ITGAE: variants seen among roughly 807,000 people sequenced by gnomAD.
ITGAE encodes integrin alpha-E.
Under a neutral mutation model 136.5 loss-of-function variants are expected in ITGAE, and 99 were observed. That is an observed-to-expected ratio of 0.73 (90% confidence interval 0.62 to 0.86). The LOEUF is 0.86. Among genes scored for constraint, ITGAE ranks in the 40% least tolerant of loss-of-function variants. The pLI is 0.00. For missense variants in ITGAE, 1,447 were observed against 1,515.3 expected (o/e 0.95, Z 0.75); for synonymous variants, 613 against 591.8 (o/e 1.04, Z -0.52).
At chr17:3,730,097 G>A (rs2051306189) in intron 23 of ITGAE, among the ~76,000 whole-genome samples, 1 of 152,082 alleles carries the variant, frequency 6.6e-6, no homozygotes, top group East Asian at 1.9e-4. Flanking sequence ...GTGTCCATGT[G>A]CTCTCACTGC....
chr17:3,725,886 C>G (rs138356998), intron 26 of ITGAE: 3 of 1,612,420 alleles, frequency 1.9e-6, no homozygotes, highest in African/African-American at 1.3e-5. Flanking sequence ...CCGAGACTTA[C>G]ACTGGGGGAA....
rs1267420488 is a variant in ITGAE at position 3,757,804 on chromosome 17, C to G, written c.922G>C (p.Val308Leu). ...AATATGCCACCATCGGTGAGCACCA[C>G]CATGACCTTGGATGCCTTTCTCCTG... ...GSRRKASKVM[V>L]VLTDGGIFED... The change falls in exon 9 of 31, where the codon GTG (valine) becomes CTG (leucine). Residue 308 changes from valine (V) to leucine (L), a missense_variant. Around this residue, in one of 3 missense-constraint regions of ITGAE, gnomAD observed 310 missense variants for 416.1 expected, o/e 0.74. Transcript: ENST00000263087. The G allele has an allele frequency of 6.2e-7, 1 of 1,614,130 alleles. No homozygotes were observed. Among genetic ancestry groups the G allele is most frequent in the Non-Finnish European group, 8.5e-7 (1 of 1,180,030 alleles).
intron 1 of ITGAE, among the ~76,000 whole-genome samples, chr17:3,796,863 A>C (rs8069664): frequency 0.043 from 6,612 of 152,240 alleles, 192 homozygotes; most frequent in Middle Eastern, 0.048. Flanking sequence ...ATGGGGCATG[A>C]TTTGCCCACA....
chr17:3,799,893 G>C lies in ITGAE; in HGVS notation c.34+1218C>G, dbSNP rs1464461395. 6.6e-6 allele frequency among the ~76,000 whole-genome samples: 1 copy of C among 152,212 alleles called. No individual in the cohort carries two copies. The highest frequency in any genetic ancestry group is 1.5e-5 in the Non-Finnish European group (1 of 68,046). ...TAGTCCCAACACTTTGGGAGGCCGAGGCAGGTCGATCACCTGAGGGCAGGA... is the reference window on the plus strand; with the variant it reads ...TAGTCCCAACACTTTGGGAGGCCGACGCAGGTCGATCACCTGAGGGCAGGA... On this transcript the variant is annotated intron_variant, in intron 1 of 30. Coordinates refer to ENST00000263087, the MANE Select transcript of ITGAE (RefSeq NM_002208.5). This position sits in a 1 kb window ranked among gnomAD's most constrained non-coding sequence, Gnocchi z 4.1.
At chr17:3,780,316 G>A (rs543794942) in intron 1 of ITGAE, among the ~76,000 whole-genome samples, 2 of 152,008 alleles carry the variant, frequency 1.3e-5, no homozygotes, top group African/African-American at 4.8e-5. Context: ...GACTACAGGC[G>A]CCTGCCCGGC....
At chr17:3,795,911 G>A (rs1035324217) in intron 1 of ITGAE, among the ~76,000 whole-genome samples, 8 of 146,742 alleles carry the variant, frequency 5.5e-5, no homozygotes, top group African/African-American at 1.6e-4. Context: ...CTGTGTATGC[G>A]CATCCGTGTG....
intron 20 of ITGAE, among the ~76,000 whole-genome samples, chr17:3,737,143 A>C (rs919773122): frequency 1.3e-5 from 2 of 152,090 alleles, no homozygotes; most frequent in Admixed American, 1.3e-4. Flanking sequence ...AAATACAAAA[A>C]TTAGCTGAGT....
rs1367683047 is a variant in ITGAE, at chr17:3,765,303, C to T, written c.156-1343G>A. On this transcript the variant is annotated intron_variant, in intron 2 of 30. Coordinates refer to ENST00000263087, the MANE Select transcript of ITGAE (RefSeq NM_002208.5). Reference sequence around the variant, plus strand: ...GGCAGAGGTTGCAGTGAGCCGAGATCACGCCACTGAACTCCAGCCTGGGTG... The same window carrying T: ...GGCAGAGGTTGCAGTGAGCCGAGATTACGCCACTGAACTCCAGCCTGGGTG... 2.3e-5 allele frequency among the ~76,000 whole-genome samples: 3 copies of T among 133,138 alleles called. No homozygotes were observed. In the East Asian group the frequency reaches 6.9e-4, roughly 31 times the overall value. 87.3% of individuals were successfully genotyped at this position (133,138 alleles called of 152,430 possible). A position where few individuals can be genotyped will look rare whatever the true frequency, so the allele number is the denominator to read the frequency against.
At chr17:3,790,544 G>A (rs112019427) in intron 1 of ITGAE, among the ~76,000 whole-genome samples, 4 of 151,864 alleles carry the variant, frequency 2.6e-5, no homozygotes, top group South Asian at 2.1e-4. Flanking sequence ...AAGAAAAAGA[G>A]GTGAAATAAC....
chr17:3,730,416 C>T (rs1035450360), intron 23 of ITGAE: 1 of 128,856 alleles, frequency 7.8e-6, no homozygotes. Context: ...CACGCCACAG[C>T]ACTCCAGCCT....
Position 3,753,937 on chromosome 17 carries a change from G to T in ITGAE, c.1385-12C>A, listed in dbSNP as rs769347476. 2.5e-6 allele frequency: 4 copies of T among 1,613,142 alleles called. No individual in the cohort carries two copies. Among genetic ancestry groups the T allele is most frequent in the Non-Finnish European group, 3.4e-6 (4 of 1,179,624 alleles). On this transcript the variant is annotated splice_polypyrimidine_tract_variant and intron_variant, in intron 12 of 30. Coordinates refer to ENST00000263087, the MANE Select transcript of ITGAE (RefSeq NM_002208.5). ...GGCCACAGCGTAACCTGGGGCAAGG[G>T]TGGTGTGGCTGTGAACACACCGTGT...
In ITGAE at chr17:3,719,003, G is replaced by A. The variant is rs957774852; in HGVS notation, c.3333+1304C>T. ...TCCCAGCACTTTGGGAGGTCAAGGC[G>A]GGCAGATCACCTGAGGTCAGAAGTT... is the stretch of plus-strand genomic sequence containing the variant. On this transcript the variant is annotated intron_variant, in intron 29 of 30. Coordinates refer to ENST00000263087, the MANE Select transcript of ITGAE (RefSeq NM_002208.5). 3.3e-5 allele frequency among the ~76,000 whole-genome samples: 5 copies of A among 152,026 alleles called. No homozygotes were observed. The East Asian group carries it at 5.8e-4, about 18-fold the overall frequency.
chr17:3,790,107 T>C (rs2052902428), intron 1 of ITGAE, among the ~76,000 whole-genome samples: 1 of 152,130 alleles, frequency 6.6e-6, no homozygotes, highest in African/African-American at 2.4e-5. Flanking sequence ...AGGAAGGATC[T>C]AAGGGCCCAA....
At chr17:3,724,078 GCAGCAGCGACGCCAGCATCGGCGAC>G (rs1376473271) in intron 26 of ITGAE, 4 of 1,596,240 alleles carry the variant, frequency 2.5e-6, no homozygotes, top group Non-Finnish European at 2.5e-6. Flanking sequence ...AACAGCAGCG[GCAGCAGCGACGCCAGCATCGGCGAC>G]CCCTCGCAGT....
At chr17:3,739,582 G>A (rs1018832020) in intron 20 of ITGAE, among the ~76,000 whole-genome samples, 5 of 152,114 alleles carry the variant, frequency 3.3e-5, no homozygotes, top group Non-Finnish European at 7.3e-5. Flanking sequence ...CAGGGCCCTC[G>A]GCGACTGAGT....
Position 3,728,182 on chromosome 17 carries a change from G to C in ITGAE, c.2913-14C>G. 6.2e-7 allele frequency: 1 copy of C among 1,602,316 alleles called. No homozygotes were observed. Among genetic ancestry groups the C allele is most frequent in the Non-Finnish European group, 8.6e-7 (1 of 1,169,396 alleles). ...ATTATGGATGGTCTGCAATTGACAG[G>C]ACATGCGTCAGCCCTTGAGGAGTCT... On this transcript the variant is annotated splice_polypyrimidine_tract_variant and intron_variant, in intron 24 of 30. Coordinates refer to ENST00000263087, the MANE Select transcript of ITGAE (RefSeq NM_002208.5).
Position 3,723,846 on chromosome 17 carries a change from G to T in ITGAE, c.3085-102C>A, listed in dbSNP as rs1173684429. On this transcript the variant is annotated intron_variant, in intron 26 of 30. Transcript: ENST00000263087. The stretch of plus-strand genomic sequence containing the variant: ...TGGCGAGGTGCGCATGCGCAGGGCC[G>T]GGAGCTAGGACCCCGCGGCAGGCGG... 6 of 1,535,660 alleles carry T rather than the reference G, an allele frequency of 3.9e-6. No homozygotes were observed. In the East Asian group the frequency reaches 1.4e-4, roughly 35 times the overall value.
At chr17:3,714,967 A>G (rs1232237026) in intron 30 of ITGAE, 25 bp from the exon 31 acceptor site, 28 of 1,399,120 alleles carry the variant, frequency 2.0e-5, no homozygotes, top group Non-Finnish European at 2.8e-5. Context: ...GGAAAAGTCC[A>G]GTTACAGGCC....
At chr17:3,745,345 A>G (rs1464438632) in intron 18 of ITGAE, among the ~76,000 whole-genome samples, 1 of 151,876 alleles carries the variant, frequency 6.6e-6, no homozygotes, top group East Asian at 1.9e-4. Context: ...TTGATTTATT[A>G]TTATTATTAT....
Sources: allele counts gnomAD v4.1 joint callset (sites outside exome capture counted in the v4.1 genomes callset), GRCh38; gene constraint gnomAD v4.1.1; regional missense constraint gnomAD v4.1.1; non-coding constraint Gnocchi (gnomAD v3.1); transcripts MANE v1.5; gene names NCBI Gene and HGNC (gene_info 2026-07-23, HGNC 2026-07-21).